Variants in CDC42BPB observed in about 807,000 individuals in gnomAD.
CDC42BPB encodes the protein serine/threonine-protein kinase MRCK beta.
Under a neutral mutation model 214.9 loss-of-function variants are expected in CDC42BPB, and 37 were observed. That is an observed-to-expected ratio of 0.17 (90% CI 0.13 to 0.23). CDC42BPB has a LOEUF of 0.23. CDC42BPB is among the 10% of genes least tolerant of loss of function. The probability of loss-of-function intolerance (pLI) is 1.00; values close to 1 mark genes in which losing one functional copy is unlikely to be tolerated. For synonymous variants in CDC42BPB, 931 were observed against 884.0 expected, an observed-to-expected ratio of 1.05 and a Z score of -0.94; for missense variants, 1,694 against 2,227.0, an observed-to-expected ratio of 0.76 and a Z score of 4.82.
rs34030317 is a variant in CDC42BPB at position 103,018,456 on chromosome 14, G to A, written c.176-6268C>T. 1.3e-4 allele frequency among the ~76,000 whole-genome samples: 20 copies of A among 152,276 alleles called. No homozygotes were observed. In the East Asian group the frequency reaches 3.9e-3, roughly 29 times the overall value. ...GGGCCCACTGGATACAGCCACCACC[G>A]CCCCATTAAGATAACAATGGTGGCT... On this transcript the variant is annotated intron_variant, in intron 1 of 36. Transcript: ENST00000361246.
At chr14:103,014,398 T>C (rs1018273314) in intron 1 of CDC42BPB, among the ~76,000 whole-genome samples, 3 of 152,170 alleles carry the variant, frequency 2.0e-5, no homozygotes, top group African/African-American at 7.2e-5. Flanking sequence ...GGTTTTTTTT[T>C]GTTCTATCTG....
At position 103,012,298 on chromosome 14, in the gene CDC42BPB, G is replaced by A. The variant is rs1886202550; in HGVS notation, c.176-110C>T. Reference sequence around the variant, plus strand: ...GTTATACTTTTAAAAAAGTTTGTTTGAAAATATTTAATATCTGACATGTTT... The same window carrying A: ...GTTATACTTTTAAAAAAGTTTGTTTAAAAATATTTAATATCTGACATGTTT... On this transcript the variant is annotated intron_variant, in intron 1 of 36. Transcript: ENST00000361246. The A allele has an allele frequency of 2.8e-5, 41 of 1,471,604 alleles. 1 individual carries two copies. In the South Asian group the frequency reaches 4.8e-4, roughly 17 times the overall value. 91.2% of individuals were successfully genotyped at this position (1,471,604 alleles called of 1,614,324 possible).
chr14:102,984,848 C>T (rs1452084533), intron 6 of CDC42BPB, among the ~76,000 whole-genome samples: 2 of 152,192 alleles, frequency 1.3e-5, no homozygotes, highest in Non-Finnish European at 2.9e-5. Context: ...ACTGCTCAGG[C>T]TGAATGGATC....
intron 1 of CDC42BPB, among the ~76,000 whole-genome samples, chr14:103,028,689 G>A (rs796507701): frequency 6.6e-6 from 1 of 152,194 alleles, no homozygotes; most frequent in African/African-American, 2.4e-5. Flanking sequence ...TTCTTCCTAC[G>A]TCACCTGCCT....
rs1892002467 is a variant in CDC42BPB at position 102,943,619 on chromosome 14, A to G, written c.4408+272T>C. Among the ~76,000 whole-genome samples the G allele has an allele frequency of 6.6e-6, 1 of 152,080 alleles. No homozygotes were observed. The highest frequency in any genetic ancestry group is 2.4e-5 in the African/African-American group (1 of 41,424). ...GCCGAGCCCTTCTGCCCAGGGGCCTATGCCCGCCGACGGGGTCCTCTGCTG... is the reference window on the plus strand; with the variant it reads ...GCCGAGCCCTTCTGCCCAGGGGCCTGTGCCCGCCGACGGGGTCCTCTGCTG... On this transcript the variant is annotated intron_variant, in intron 30 of 36. Coordinates refer to ENST00000361246, the MANE Select transcript of CDC42BPB (RefSeq NM_006035.4). This position sits in a 1 kb window ranked among gnomAD's most constrained non-coding sequence, Gnocchi z 4.6.
chr14:103,041,153 A>T (rs1887965847), intron 1 of CDC42BPB, among the ~76,000 whole-genome samples: 1 of 152,254 alleles, frequency 6.6e-6, no homozygotes, highest in Non-Finnish European at 1.5e-5. Context: ...TCTGACAAGG[A>T]TTCTAAGACC....
In CDC42BPB at chr14:102,983,764, G is replaced by C; in HGVS notation, c.691-8C>G. The C allele has an allele frequency of 6.2e-7, 1 of 1,611,042 alleles. No homozygotes were observed. The highest frequency in any genetic ancestry group is 2.2e-5 in the East Asian group (1 of 44,880). On this transcript the variant is annotated splice_region_variant and splice_polypyrimidine_tract_variant and intron_variant, in intron 6 of 36. Coordinates refer to ENST00000361246, the MANE Select transcript of CDC42BPB (RefSeq NM_006035.4). Reference sequence around the variant, plus strand: ...GGCCACGGAGGACTGCACCTTAGGGGAGAAGGAGGTGCTGAAGGAAACCCT... The same window carrying C: ...GGCCACGGAGGACTGCACCTTAGGGCAGAAGGAGGTGCTGAAGGAAACCCT...
intron 23 of CDC42BPB, 69 bp downstream of exon 23, chr14:102,954,129 T>C: frequency 9.4e-7 from 1 of 1,059,064 alleles, no homozygotes; most frequent in Non-Finnish European, 1.4e-6. Flanking sequence ...ACTTATTTTC[T>C]AAATAACTGA....
chr14:102,972,785 G>A (rs886750835), intron 12 of CDC42BPB, among the ~76,000 whole-genome samples: 11 of 140,394 alleles, frequency 7.8e-5, no homozygotes, highest in East Asian at 2.3e-4. Flanking sequence ...ACAGGAGGAC[G>A]CTCCGTAATG....
chr14:102,944,098 C>T lies in CDC42BPB; in HGVS notation c.4201G>A (p.Gly1401Arg), dbSNP rs1334239878. 1 of 1,613,298 alleles carries T rather than the reference C, an allele frequency of 6.2e-7. No individual in the cohort carries two copies. Among genetic ancestry groups the T allele is most frequent in the Non-Finnish European group, 8.5e-7 (1 of 1,180,022 alleles). The change falls in exon 30 of 37, where the codon GGG becomes AGG. Residue 1401 changes from glycine to arginine, a missense_variant. Transcript: ENST00000361246. This position sits in a 1 kb window ranked among gnomAD's most constrained non-coding sequence, Gnocchi z 6.6. ...ACCAGGTTTAGAGGCTGCCCGTCCC[C>T]CTGGATGCTCAGCAGGCAGAACCCA... ...PSGFCLLSIQGDGQPLNLVNP... is the reference protein window; with the variant it reads ...PSGFCLLSIQRDGQPLNLVNP...
In CDC42BPB at chr14:102,951,379, C is replaced by T. The variant is rs531269858; in HGVS notation, c.3173-777G>A. On this transcript the variant is annotated intron_variant, in intron 24 of 36. Transcript: ENST00000361246. ...CCAGTGCGAGTCTGGGCTCCAGGAC[C>T]CTCCCACAGCACTGGGTGGCTTGGG... Among the ~76,000 whole-genome samples, 3 of 152,338 alleles carry T rather than the reference C, an allele frequency of 2.0e-5. No individual in the cohort carries two copies. The East Asian group carries it at 5.8e-4, about 29-fold the overall frequency.
rs1888253253 is a variant in CDC42BPB at position 103,045,785 on chromosome 14, C to T, written c.175+11214G>A. Among the ~76,000 whole-genome samples the T allele has an allele frequency of 2.6e-5, 4 of 152,264 alleles. No homozygotes were observed. In the South Asian group the frequency reaches 8.3e-4, roughly 32 times the overall value. ...GTTGAGAGCTGGGGCGTCTCGCACA[C>T]CTGGAAACCACAGCGGCGCATAATC... On this transcript the variant is annotated intron_variant, in intron 1 of 36. Transcript: ENST00000361246.
intron 14 of CDC42BPB, among the ~76,000 whole-genome samples, chr14:102,969,503 G>A (rs1277253111): frequency 1.3e-5 from 2 of 152,232 alleles, no homozygotes; most frequent in African/African-American, 2.4e-5. Context: ...AGCCAAGCCC[G>A]CTGCCAGGGA....
At chr14:102,959,932 T>C (rs1234038511) in intron 20 of CDC42BPB, 9 of 766,798 alleles carry the variant, frequency 1.2e-5, no homozygotes, top group Non-Finnish European at 1.4e-5. Context: ...AGGGACTGGG[T>C]GCGGTGGCTC....
intron 24 of CDC42BPB, 125 bp downstream of exon 24, chr14:102,952,373 T>C (rs36101162): frequency 0.016 from 9,759 of 628,542 alleles, 641 homozygotes; most frequent in African/African-American, 0.15. Context: ...CCTCAAATCA[T>C]GCCAATGACA....
rs986393182 is a variant in CDC42BPB at position 102,943,733 on chromosome 14, T to C, written c.4408+158A>G. 3.1e-6 allele frequency: 2 copies of C among 638,950 alleles called. No individual in the cohort carries two copies. The highest frequency in any genetic ancestry group is 1.8e-5 in the African/African-American group (1 of 54,682). The allele number at this position is 638,950 out of a possible 1,614,324, so 39.6% of individuals were successfully genotyped here. Reference sequence around the variant, plus strand: ...GGTCTGAGACGTGAGATCTGAACCATGCTCTCTGCTGCGGGCTGGCATGGG... The same window carrying C: ...GGTCTGAGACGTGAGATCTGAACCACGCTCTCTGCTGCGGGCTGGCATGGG... On this transcript the variant is annotated intron_variant, in intron 30 of 36. Transcript: ENST00000361246. This position sits in a 1 kb window ranked among gnomAD's most constrained non-coding sequence, Gnocchi z 4.6.
chr14:102,963,004 A>G (rs539862147), intron 20 of CDC42BPB, 57 bp downstream of exon 20: 17 of 841,040 alleles, frequency 2.0e-5, no homozygotes, highest in Non-Finnish European at 3.3e-5. Context: ...AAATAAAAAC[A>G]TTCATTTGAA....
At chr14:103,003,606 C>T (rs34549585) in intron 4 of CDC42BPB, among the ~76,000 whole-genome samples, 193 of 152,352 alleles carry the variant, frequency 1.3e-3, no homozygotes, top group African/African-American at 4.3e-3. Flanking sequence ...TGGCTTAATC[C>T]CCACTGCGGT....
rs542788488 is a variant in CDC42BPB at position 102,939,580 on chromosome 14, C to T, written c.4827+30G>A. 285 of 1,530,740 alleles carry T rather than the reference C, an allele frequency of 1.9e-4. No individual in the cohort carries two copies. In the East Asian group the frequency reaches 6.4e-3, roughly 34 times the overall value. 94.8% of individuals were successfully genotyped at this position (1,530,740 alleles called of 1,614,324 possible). On this transcript the variant is annotated intron_variant, in intron 34 of 36. Coordinates refer to ENST00000361246, the MANE Select transcript of CDC42BPB (RefSeq NM_006035.4). ...AGCGGGGAGGAGGAGATGGGGTGCC[C>T]TGCCCGCCCTATCCCGGCCGTGCAC...
Sources: gnomAD v4.1 joint callset for allele counts (sites outside exome capture counted in the v4.1 genomes callset) on GRCh38, gnomAD v4.1.1 for gene constraint, Gnocchi (gnomAD v3.1) non-coding constraint, MANE v1.5 for transcripts, NCBI Gene and HGNC (gene_info 2026-07-23, HGNC 2026-07-21) for gene names.